Variants in ANO2 observed in about 807,000 individuals in gnomAD.
The protein encoded by ANO2 is anoctamin-2.
In ANO2, 101 loss-of-function variants were observed where a neutral mutation model predicts 124.2. That is an observed-to-expected ratio of 0.81 (90% confidence interval 0.69 to 0.96). The LOEUF (loss-of-function observed/expected upper bound fraction) is 0.96. Among genes scored for constraint, ANO2 ranks in the 40% least tolerant of loss-of-function variants. The pLI, the probability that ANO2 is intolerant of heterozygous loss-of-function variation, is 0.00. For missense variants in ANO2, 1,293 were observed against 1,274.5 expected (o/e 1.01, Z -0.22); for synonymous variants, 486 against 482.5 (o/e 1.01, Z -0.09).
intron 1 of ANO2, among the ~76,000 whole-genome samples, chr12:5,930,747 A>G (rs1471785536): frequency 6.6e-6 from 1 of 152,176 alleles, no homozygotes; most frequent in Non-Finnish European, 1.5e-5. Flanking sequence ...ATTTGGGCCC[A>G]ATGGCCCTCC....
At chr12:5,922,589 T>G (rs1472364755) in intron 2 of ANO2, 31 bp downstream of exon 2, 4 of 1,449,934 alleles carry the variant, frequency 2.8e-6, no homozygotes, top group Non-Finnish European at 3.7e-6. Flanking sequence ...GGCTGGCCTA[T>G]CCCCCCACCC....
At chr12:5,892,301 T>C (rs775303300) in intron 3 of ANO2, among the ~76,000 whole-genome samples, 13 of 151,906 alleles carry the variant, frequency 8.6e-5, no homozygotes, top group Non-Finnish European at 1.3e-4. Context: ...ACCAAAAACA[T>C]CTAACATTAA....
intron 10 of ANO2, among the ~76,000 whole-genome samples, chr12:5,752,825 T>A (rs887392130): frequency 6.6e-6 from 1 of 152,202 alleles, no homozygotes; most frequent in African/African-American, 2.4e-5. Flanking sequence ...TGTTTTCTTT[T>A]AAGAGTTCTA....
intron 3 of ANO2, among the ~76,000 whole-genome samples, chr12:5,883,315 G>C (rs1362163050): frequency 2.0e-5 from 3 of 152,188 alleles, no homozygotes; most frequent in Admixed American, 2.0e-4. Flanking sequence ...CTCTACTGCT[G>C]AGCCAGACCT....
chr12:5,731,874 G>T (rs1473440257), intron 14 of ANO2, among the ~76,000 whole-genome samples: 1 of 152,058 alleles, frequency 6.6e-6, no homozygotes, highest in Non-Finnish European at 1.5e-5. Flanking sequence ...AGCAAATACA[G>T]GCATGTATTT....
chr12:5,913,072 C>T (rs547386013), intron 3 of ANO2, among the ~76,000 whole-genome samples: 13 of 152,270 alleles, frequency 8.5e-5, no homozygotes, highest in East Asian at 1.9e-4. Context: ...CACCACGCCC[C>T]GATCCAGCAC....
chr12:5,607,857 C>G (rs1277712412), intron 19 of ANO2, among the ~76,000 whole-genome samples: 3 of 152,188 alleles, frequency 2.0e-5, no homozygotes, highest in Non-Finnish European at 4.4e-5. Flanking sequence ...AAGCTCAGGT[C>G]TCCCACTGAT....
intron 19 of ANO2, among the ~76,000 whole-genome samples, chr12:5,603,668 G>A (rs573876367): frequency 6.6e-6 from 1 of 152,108 alleles, no homozygotes; most frequent in Admixed American, 6.5e-5. Context: ...TGATGAGGCC[G>A]GGCGCAGTGG....
At chr12:5,941,752 C>T (rs1262195187) in intron 1 of ANO2, among the ~76,000 whole-genome samples, 2 of 150,376 alleles carry the variant, frequency 1.3e-5, no homozygotes, top group African/African-American at 4.9e-5. Flanking sequence ...TGAACACTAC[C>T]AAATTCAAAA....
intron 4 of ANO2, among the ~76,000 whole-genome samples, chr12:5,833,344 G>A (rs1401362951): frequency 6.6e-6 from 1 of 152,144 alleles, no homozygotes; most frequent in Non-Finnish European, 1.5e-5. Context: ...TGCAAATGGA[G>A]TCATTGAGAC....
chr12:5,683,628 G>T (rs2137003799), intron 14 of ANO2, among the ~76,000 whole-genome samples: 1 of 152,202 alleles, frequency 6.6e-6, no homozygotes, highest in South Asian at 2.1e-4. Flanking sequence ...TTTCAGTTCA[G>T]AAAACAGAGT....
chr12:5,783,987 A>G (rs1952473427), intron 10 of ANO2, among the ~76,000 whole-genome samples: 1 of 152,122 alleles, frequency 6.6e-6, no homozygotes, highest in Non-Finnish European at 1.5e-5. Context: ...ATCCTTCTAC[A>G]TCACTTTAGC....
chr12:5,604,187 C>T (rs1944095253), intron 19 of ANO2, among the ~76,000 whole-genome samples: 1 of 152,092 alleles, frequency 6.6e-6, no homozygotes, highest in Admixed American at 6.6e-5. Context: ...AATGAGGAAT[C>T]AGCGATGATT....
rs144522113 is a variant in ANO2 at position 5,703,817 on chromosome 12, G to C, written c.1545+28703C>G. On this transcript the variant is annotated intron_variant, in intron 14 of 24. Coordinates refer to ENST00000682330, the MANE Select transcript of ANO2 (RefSeq NM_001364791.2). ...GCCCTTCAACCTCCCAAAATGCTGG[G>C]ATTACAGGTGTGAGCCACCGTGCCT... 4.1e-3 allele frequency among the ~76,000 whole-genome samples: 621 copies of C among 152,254 alleles called. 16 individuals carry two copies. The highest frequency in any genetic ancestry group is 0.035 in the Admixed American group (532 of 15,294).
At chr12:5,881,155 C>T (rs1405629950) in intron 3 of ANO2, among the ~76,000 whole-genome samples, 1 of 152,116 alleles carries the variant, frequency 6.6e-6, no homozygotes, top group Admixed American at 6.6e-5. Flanking sequence ...CAAGAAAACA[C>T]TTTATAACTA....
chr12:5,610,672 G>T (rs1328776799), intron 19 of ANO2, among the ~76,000 whole-genome samples: 1 of 135,398 alleles, frequency 7.4e-6, no homozygotes, highest in East Asian at 2.1e-4. Flanking sequence ...GGGTCTTGGG[G>T]CATGTCAGGA....
chr12:5,640,603 A>G (rs959879244), intron 15 of ANO2, among the ~76,000 whole-genome samples: 1 of 152,222 alleles, frequency 6.6e-6, no homozygotes, highest in Non-Finnish European at 1.5e-5. Flanking sequence ...ACATTTATGC[A>G]GCCAACAGAC....
At position 5,862,985 on chromosome 12, in the gene ANO2, T is replaced by C. The variant is rs375676525; in HGVS notation, c.535-8844A>G. ...TTTTGTATTTTTTTCTTTTTTTTAGTAGAGACGGTGAGGGGAAACCCCTTT... is the reference window on the plus strand; with the variant it reads ...TTTTGTATTTTTTTCTTTTTTTTAGCAGAGACGGTGAGGGGAAACCCCTTT... On this transcript the variant is annotated intron_variant, in intron 3 of 24. Transcript: ENST00000682330. This position sits in a 1 kb window ranked among gnomAD's most constrained non-coding sequence, Gnocchi z 4.0. Among the ~76,000 whole-genome samples, 5 of 152,046 alleles carry C rather than the reference T, an allele frequency of 3.3e-5. No homozygotes were observed. Among genetic ancestry groups the C allele is most frequent in the East Asian group, 3.9e-4 (2 of 5,178 alleles).
Position 5,912,288 on chromosome 12 carries a change from G to C in ANO2, c.534+8752C>G, listed in dbSNP as rs115236994. Among the ~76,000 whole-genome samples the C allele has an allele frequency of 7.5e-3, 1,148 of 152,238 alleles. 14 individuals are homozygous for C. The highest frequency in any genetic ancestry group is 0.026 in the African/African-American group (1,084 of 41,522). ...GAGTGCCACCTCCTGGGGAGTATGA[G>C]AGAATAAAGAACAAGAGGAGCAGAA... On this transcript the variant is annotated intron_variant, in intron 3 of 24. Coordinates refer to ENST00000682330, the MANE Select transcript of ANO2 (RefSeq NM_001364791.2).
Sources: gnomAD v4.1 joint callset for allele counts (sites outside exome capture counted in the v4.1 genomes callset) on GRCh38, gnomAD v4.1.1 for gene constraint, Gnocchi (gnomAD v3.1) non-coding constraint, MANE v1.5 for transcripts, NCBI Gene and HGNC (gene_info 2026-07-23, HGNC 2026-07-21) for gene names.